The following SPOCK3 variants were observed in gnomAD, a reference collection of about 807,000 sequenced individuals.
The protein encoded by SPOCK3 is testican-3.
SPOCK3 carries 30 observed loss-of-function variants against 56.6 expected under a neutral mutation model. The observed-to-expected ratio is 0.53, with a 90% CI of 0.40 to 0.72. The LOEUF (loss-of-function observed/expected upper bound fraction) is 0.72, where lower values mean the gene tolerates loss of function less well. Among genes scored for constraint, SPOCK3 ranks in the 30% least tolerant of loss-of-function variants. SPOCK3 has a pLI of 0.00. For missense variants in SPOCK3, 527 were observed against 530.0 expected, an observed-to-expected ratio of 0.99 and a Z score of 0.06; for synonymous variants, 196 against 183.3, an observed-to-expected ratio of 1.07 and a Z score of -0.56.
At chr4:167,176,864 A>C (rs1166560226) in intron 2 of SPOCK3, among the ~76,000 whole-genome samples, 1 of 152,118 alleles carries the variant, frequency 6.6e-6, no homozygotes, top group Non-Finnish European at 1.5e-5. Context: ...AAACGTTGCA[A>C]ACATAGCTAC....
Position 167,168,610 on chromosome 4 carries a change from T to C in SPOCK3, c.189+65375A>G, listed in dbSNP as rs117102139. ...AGAGAGATGATCTGAAATTGGAACTTAGGTTTAAAGGAGAAGCAGGGCATA... is the reference window on the plus strand; with the variant it reads ...AGAGAGATGATCTGAAATTGGAACTCAGGTTTAAAGGAGAAGCAGGGCATA... On this transcript the variant is annotated intron_variant, in intron 2 of 10. Coordinates refer to ENST00000357545, the MANE Select transcript of SPOCK3 (RefSeq NM_001040159.2). Among the ~76,000 whole-genome samples the C allele has an allele frequency of 4.2e-3, 636 of 151,964 alleles. 19 individuals carry two copies. Among genetic ancestry groups the C allele is most frequent in the Admixed American group, 0.031 (473 of 15,214 alleles).
At chr4:166,776,114 G>A (rs1203237201) in intron 7 of SPOCK3, among the ~76,000 whole-genome samples, 1 of 152,018 alleles carries the variant, frequency 6.6e-6, no homozygotes, top group African/African-American at 2.4e-5. Context: ...GGAGGAAGCA[G>A]ATAAAAAACA....
intron 6 of SPOCK3, among the ~76,000 whole-genome samples, chr4:166,832,663 C>A (rs72697528): frequency 6.6e-6 from 1 of 152,070 alleles, no homozygotes; most frequent in Non-Finnish European, 1.5e-5. Flanking sequence ...ACCTAGAGAT[C>A]CATCAATAGT....
intron 4 of SPOCK3, among the ~76,000 whole-genome samples, chr4:166,998,529 T>C (rs973701130): frequency 5.9e-5 from 9 of 152,162 alleles, no homozygotes; most frequent in African/African-American, 9.6e-5. Context: ...ATTGAAGCTC[T>C]GAAAATTTCT....
At chr4:167,150,301 T>G (rs748302766) in intron 2 of SPOCK3, among the ~76,000 whole-genome samples, 20 of 150,546 alleles carry the variant, frequency 1.3e-4, no homozygotes, top group Non-Finnish European at 2.1e-4. Flanking sequence ...CTACTGATGG[T>G]TTTTTTTTAA....
At chr4:167,036,280 ATC>A (rs1752746189) in intron 3 of SPOCK3, among the ~76,000 whole-genome samples, 1 of 152,092 alleles carries the variant, frequency 6.6e-6, no homozygotes, top group Admixed American at 6.5e-5. Flanking sequence ...CAGTGCCCTT[ATC>A]TGCGTTTTTT....
intron 7 of SPOCK3, among the ~76,000 whole-genome samples, chr4:166,765,562 C>A (rs6811591): frequency 0.33 from 50,111 of 151,894 alleles, 8,420 homozygotes; most frequent in Admixed American, 0.42. Flanking sequence ...GTTTTGGTAC[C>A]AGTACCATGC....
chr4:167,060,712 C>T (rs1369571409), intron 3 of SPOCK3, among the ~76,000 whole-genome samples: 1 of 151,984 alleles, frequency 6.6e-6, no homozygotes, highest in Non-Finnish European at 1.5e-5. Flanking sequence ...CATCGGGATG[C>T]CATTATTTCT....
At chr4:167,196,386 C>T (rs1469482315) in intron 2 of SPOCK3, among the ~76,000 whole-genome samples, 1 of 152,160 alleles carries the variant, frequency 6.6e-6, no homozygotes, top group African/African-American at 2.4e-5. Context: ...CTTAAAACAA[C>T]ACTCATTCAT....
At chr4:166,910,783 C>T (rs879304849) in intron 5 of SPOCK3, among the ~76,000 whole-genome samples, 1 of 152,096 alleles carries the variant, frequency 6.6e-6, no homozygotes, top group African/African-American at 2.4e-5. Flanking sequence ...GCACATATTT[C>T]CAATGTTGAG....
At chr4:167,119,821 G>A (rs964191643) in intron 2 of SPOCK3, 22 of 1,534,348 alleles carry the variant, frequency 1.4e-5, no homozygotes, top group African/African-American at 5.5e-5. Flanking sequence ...ACATGTGGAT[G>A]TGATCTTGTG....
chr4:166,857,504 A>T (rs1273086658), intron 6 of SPOCK3, among the ~76,000 whole-genome samples: 3 of 152,212 alleles, frequency 2.0e-5, no homozygotes, highest in South Asian at 2.1e-4. Context: ...TTCATCCATT[A>T]TGGAGGTCCC....
chr4:166,874,214 C>T (rs1036333048), intron 6 of SPOCK3, among the ~76,000 whole-genome samples: 3 of 152,002 alleles, frequency 2.0e-5, no homozygotes, highest in Non-Finnish European at 4.4e-5. Flanking sequence ...AATACTCAAC[C>T]CCACCATGTA....
At chr4:167,107,233 T>C (rs1760243830) in intron 2 of SPOCK3, among the ~76,000 whole-genome samples, 1 of 151,816 alleles carries the variant, frequency 6.6e-6, no homozygotes, top group Non-Finnish European at 1.5e-5. Flanking sequence ...TCCTGATGAA[T>C]ATTAACACAG....
At chr4:167,171,540 A>G (rs1456438488) in intron 2 of SPOCK3, among the ~76,000 whole-genome samples, 1 of 152,124 alleles carries the variant, frequency 6.6e-6, no homozygotes, top group African/African-American at 2.4e-5. Flanking sequence ...CAATCATTAG[A>G]TAATAATATA....
intron 2 of SPOCK3, among the ~76,000 whole-genome samples, chr4:167,100,559 T>C (rs915965629): frequency 6.6e-6 from 1 of 151,766 alleles, no homozygotes; most frequent in Non-Finnish European, 1.5e-5. Flanking sequence ...CAATGTAGAG[T>C]CAATCTCACC....
intron 2 of SPOCK3, among the ~76,000 whole-genome samples, chr4:167,122,051 C>T (rs1761908405): frequency 6.6e-6 from 1 of 151,208 alleles, no homozygotes; most frequent in African/African-American, 2.4e-5. Flanking sequence ...CCCTTCCTTC[C>T]TCCATCCCTC....
chr4:167,080,304 C>T (rs61092916), intron 2 of SPOCK3, among the ~76,000 whole-genome samples: 2 of 152,078 alleles, frequency 1.3e-5, no homozygotes, highest in Non-Finnish European at 2.9e-5. Flanking sequence ...TCAGTTGATA[C>T]TAAGGAATGC....
chr4:167,055,942 G>C (rs1033749896), intron 3 of SPOCK3, among the ~76,000 whole-genome samples: 1 of 152,200 alleles, frequency 6.6e-6, no homozygotes. Flanking sequence ...CAGCTTTGAA[G>C]AGAGCAGTGG....
Sources: allele counts gnomAD v4.1 joint callset (sites outside exome capture counted in the v4.1 genomes callset), GRCh38; gene constraint gnomAD v4.1.1; transcripts MANE v1.5; gene names NCBI Gene and HGNC (gene_info 2026-07-23, HGNC 2026-07-21).